THSD7A: variants seen among roughly 807,000 people sequenced by gnomAD.
THSD7A encodes the protein thrombospondin type-1 domain-containing protein 7A.
In THSD7A, 96 loss-of-function variants were observed where a neutral mutation model predicts 231.3. The observed-to-expected ratio is 0.41, with a 90% CI of 0.35 to 0.49. The LOEUF (loss-of-function observed/expected upper bound fraction) is 0.49, where lower values mean the gene tolerates loss of function less well. Among genes scored for constraint, THSD7A ranks in the 20% least tolerant of loss-of-function variants. THSD7A has a pLI of 0.05. For synonymous variants in THSD7A, 940 were observed against 743.3 expected, an observed-to-expected ratio of 1.26 and a Z score of -4.30; for missense variants, 2,290 against 2,070.2, an observed-to-expected ratio of 1.11 and a Z score of -2.06.
intron 1 of THSD7A, among the ~76,000 whole-genome samples, chr7:11,819,207 G>A (rs1442081193): frequency 6.6e-6 from 1 of 152,150 alleles, no homozygotes; most frequent in Non-Finnish European, 1.5e-5. Context: ...TGGAGAAATA[G>A]GAACTCTCAT....
intron 2 of THSD7A, among the ~76,000 whole-genome samples, chr7:11,599,869 A>G (rs1342393238): frequency 6.6e-6 from 1 of 151,780 alleles, no homozygotes; most frequent in East Asian, 1.9e-4. Context: ...AACACCTTTC[A>G]TCTCGGTGGG....
intron 1 of THSD7A, among the ~76,000 whole-genome samples, chr7:11,806,333 A>G (rs1583305904): frequency 6.6e-6 from 1 of 152,304 alleles, no homozygotes; most frequent in Non-Finnish European, 1.5e-5. Context: ...ATATTTAAAT[A>G]AAGATAACTC....
intron 4 of THSD7A, among the ~76,000 whole-genome samples, chr7:11,575,698 G>C (rs1366019469): frequency 1.3e-5 from 2 of 152,104 alleles, no homozygotes; most frequent in African/African-American, 2.4e-5. Flanking sequence ...CATCCATTTC[G>C]AAGTCTATCC....
rs563169817 is a variant in THSD7A, at chr7:11,764,309, T to C, written c.190+67448A>G. On this transcript the variant is annotated intron_variant, in intron 1 of 27. Transcript: ENST00000423059. ...TAAATTTAAAAGTAAAGACCGGGCA[T>C]GGTGGCTCATGCCTGTGATCCCAGC... Among the ~76,000 whole-genome samples, 45 of 152,098 alleles carry C rather than the reference T, an allele frequency of 3.0e-4. No individual in the cohort carries two copies. In the South Asian group the frequency reaches 8.9e-3, roughly 30 times the overall value.
At chr7:11,581,570 T>C (rs1222924640) in intron 4 of THSD7A, among the ~76,000 whole-genome samples, 1 of 152,110 alleles carries the variant, frequency 6.6e-6, no homozygotes, top group African/African-American at 2.4e-5. Flanking sequence ...GTTTCTATCC[T>C]TCAATTTTAG....
intron 1 of THSD7A, among the ~76,000 whole-genome samples, chr7:11,652,605 T>G (rs535826732): frequency 2.0e-5 from 3 of 152,138 alleles, no homozygotes; most frequent in African/African-American, 7.2e-5. Flanking sequence ...ACATATTTAT[T>G]CTTTAATGTA....
chr7:11,732,937 A>G (rs1338843781), intron 1 of THSD7A, among the ~76,000 whole-genome samples: 2 of 151,894 alleles, frequency 1.3e-5, no homozygotes, highest in South Asian at 2.1e-4. Context: ...TTGAACTGCC[A>G]TATACCATAA....
intron 1 of THSD7A, among the ~76,000 whole-genome samples, chr7:11,678,686 G>T (rs768151999): frequency 6.6e-6 from 1 of 152,144 alleles, no homozygotes; most frequent in Admixed American, 6.5e-5. Flanking sequence ...AACAAGTTCT[G>T]AAATGGGTGT....
At chr7:11,538,705 T>A (rs1265839331) in intron 6 of THSD7A, among the ~76,000 whole-genome samples, 6 of 152,046 alleles carry the variant, frequency 3.9e-5, no homozygotes. Flanking sequence ...TTTTGGAGAG[T>A]CTAATCGTCT....
At chr7:11,532,668 A>C (rs1788756051) in intron 6 of THSD7A, among the ~76,000 whole-genome samples, 1 of 152,156 alleles carries the variant, frequency 6.6e-6, no homozygotes, top group East Asian at 1.9e-4. Context: ...TTCTTGTGGA[A>C]ACTTGCAAGA....
At chr7:11,482,552 A>G (rs2128305028) in intron 6 of THSD7A, among the ~76,000 whole-genome samples, 1 of 152,342 alleles carries the variant, frequency 6.6e-6, no homozygotes. Flanking sequence ...ATAACATTAT[A>G]AAGTCACTGC....
intron 1 of THSD7A, among the ~76,000 whole-genome samples, chr7:11,795,225 G>C (rs1784087524): frequency 6.6e-6 from 1 of 151,708 alleles, no homozygotes; most frequent in South Asian, 2.1e-4. Context: ...ACATACATTT[G>C]TACACATATA....
intron 11 of THSD7A, among the ~76,000 whole-genome samples, chr7:11,458,461 T>C (rs1054618411): frequency 2.0e-5 from 3 of 152,128 alleles, no homozygotes; most frequent in African/African-American, 4.8e-5. Context: ...GTTAAAGGGA[T>C]TGTTCTAAAT....
At chr7:11,661,395 C>A (rs1782923190) in intron 1 of THSD7A, among the ~76,000 whole-genome samples, 1 of 151,204 alleles carries the variant, frequency 6.6e-6, no homozygotes, top group Non-Finnish European at 1.5e-5. Flanking sequence ...CAGCAGCTAT[C>A]AGATCTGTAC....
At chr7:11,823,345 G>T (rs918751114) in intron 1 of THSD7A, among the ~76,000 whole-genome samples, 3 of 151,886 alleles carry the variant, frequency 2.0e-5, no homozygotes, top group African/African-American at 7.3e-5. Context: ...ATGCTGTTTT[G>T]GTTACTATAG....
In THSD7A at chr7:11,371,887, G is replaced by T. The variant is rs1268044906; in HGVS notation, c.*3907C>A. ...TGATTCTAATAGGGAAGGAAATATA[G>T]GAATTCTTTTTTTTTTAATTAAAAA... On this transcript the variant is annotated 3_prime_UTR_variant, in exon 28 of 28. Transcript: ENST00000423059. 2 of 151,740 alleles carry T rather than the reference G, an allele frequency of 1.3e-5. No individual in the cohort carries two copies. Among genetic ancestry groups the T allele is most frequent in the Non-Finnish European group, 2.9e-5 (2 of 67,986 alleles). The allele number at this position is 151,740 out of a possible 1,614,324, so 9.4% of individuals were successfully genotyped here.
At chr7:11,422,987 C>T (rs1784200759) in intron 16 of THSD7A, among the ~76,000 whole-genome samples, 1 of 151,912 alleles carries the variant, frequency 6.6e-6, no homozygotes, top group Non-Finnish European at 1.5e-5. Context: ...CCAACCTGAT[C>T]AAATTCTTAA....
chr7:11,540,934 G>A (rs1789119905), intron 6 of THSD7A, among the ~76,000 whole-genome samples: 1 of 152,088 alleles, frequency 6.6e-6, no homozygotes, highest in African/African-American at 2.4e-5. Context: ...TAGGCCTCGT[G>A]GATTGGGAGC....
At chr7:11,643,993 G>A (rs1782189121) in intron 1 of THSD7A, among the ~76,000 whole-genome samples, 1 of 151,038 alleles carries the variant, frequency 6.6e-6, no homozygotes, top group African/African-American at 2.4e-5. Context: ...CCAAGTCTGA[G>A]CTCCTATTGG....
Sources: allele counts gnomAD v4.1 joint callset (sites outside exome capture counted in the v4.1 genomes callset), GRCh38; gene constraint gnomAD v4.1.1; transcripts MANE v1.5; gene names NCBI Gene and HGNC (gene_info 2026-07-23, HGNC 2026-07-21).